Variants in BAHCC1 observed in about 807,000 individuals in gnomAD.
BAHCC1 encodes BAH domain and coiled-coil containing 1.
A neutral mutation model predicts 88.2 loss-of-function variants in BAHCC1; 43 were observed. The observed-to-expected ratio is 0.49, with a 90% CI of 0.38 to 0.63. The LOEUF (loss-of-function observed/expected upper bound fraction) is 0.63. Ranked by LOEUF, BAHCC1 falls within the 20% of genes least tolerant of loss-of-function variation. BAHCC1 has a pLI of 0.00. For missense variants in BAHCC1, 3,023 were observed against 1,654.8 expected, an observed-to-expected ratio of 1.83 and a Z score of -14.34; for synonymous variants, 1,510 against 745.5, an observed-to-expected ratio of 2.03 and a Z score of -16.71.
chr17:81,440,485 A>C (rs2064395971), intron 4 of BAHCC1, among the ~76,000 whole-genome samples: 1 of 152,176 alleles, frequency 6.6e-6, no homozygotes, highest in South Asian at 2.1e-4. Context: ...GCCTGAGGAC[A>C]ATTTTACAAG....
At chr17:81,446,744 G>T in intron 10 of BAHCC1, 1 of 581,112 alleles carries the variant, frequency 1.7e-6, no homozygotes, top group East Asian at 3.7e-5. Flanking sequence ...GTAGTGGCAC[G>T]TGCTCACTCT....
At chr17:81,460,780 TGGGGTAGGCAG>T in intron 25 of BAHCC1, 74 bp downstream of exon 25, 1 of 773,828 alleles carries the variant, frequency 1.3e-6, no homozygotes, top group East Asian at 2.4e-5. Flanking sequence ...AGGAGGCCCG[TGGGGTAGGCAG>T]GGTCCGGGGA....
chr17:81,462,433 C>A (rs75956117), intron 26 of BAHCC1: 2 of 502,492 alleles, frequency 4.0e-6, no homozygotes, highest in South Asian at 2.9e-5. Flanking sequence ...TGGGGCCACT[C>A]GTGGGTCTTT....
At chr17:81,410,836 C>T (rs544482319) in intron 2 of BAHCC1, among the ~76,000 whole-genome samples, 12 of 151,130 alleles carry the variant, frequency 7.9e-5, no homozygotes, top group African/African-American at 2.4e-4. Flanking sequence ...AGTCTCGGGG[C>T]GGGGGTGGGG....
chr17:81,448,315 T>A (rs1217127781), intron 11 of BAHCC1, among the ~76,000 whole-genome samples: 1 of 152,080 alleles, frequency 6.6e-6, no homozygotes, highest in Non-Finnish European at 1.5e-5. Flanking sequence ...AGGCTGGGGC[T>A]CCTGCTGCAG....
chr17:81,418,774 T>A (rs1053615297), intron 2 of BAHCC1, among the ~76,000 whole-genome samples: 1 of 84,642 alleles, frequency 1.2e-5, no homozygotes, highest in Non-Finnish European at 2.6e-5. Context: ...TACGTGTGTG[T>A]ACGTGTGTGT....
At chr17:81,405,523 A>G (rs1364892395) in intron 2 of BAHCC1, among the ~76,000 whole-genome samples, 1 of 152,062 alleles carries the variant, frequency 6.6e-6, no homozygotes, top group Non-Finnish European at 1.5e-5. Flanking sequence ...CAATCCTGGC[A>G]GGGCCTTCTA....
chr17:81,413,563 G>T (rs1555648182), intron 2 of BAHCC1, among the ~76,000 whole-genome samples: 2 of 152,246 alleles, frequency 1.3e-5, no homozygotes, highest in African/African-American at 4.8e-5. Context: ...CCACGCAGGT[G>T]CAGTATCGTC....
Position 81,399,148 on chromosome 17 carries a change from TGTGTGCGA to T in BAHCC1, c.-206-378_-206-371del. On this transcript the variant is annotated intron_variant, in intron 1 of 27. Coordinates refer to ENST00000675386, the MANE Select transcript of BAHCC1 (RefSeq NM_001377448.1). This position sits in a 1 kb window ranked among gnomAD's most constrained non-coding sequence, Gnocchi z 4.5. ...GTGTGAGTGTGTGTGTGTGTGTGTGTGTGTGCGAGTGTGCGTGATGGCTTCGCAGATTT... is the reference window on the plus strand; with the variant it reads ...GTGTGAGTGTGTGTGTGTGTGTGTGTGTGTGCGTGATGGCTTCGCAGATTT... 2.7e-6 allele frequency: 1 copy of T among 374,028 alleles called. No homozygotes were observed. Among genetic ancestry groups the T allele is most frequent in the Non-Finnish European group, 5.4e-6 (1 of 185,604 alleles). The allele number at this position is 374,028 out of a possible 1,614,324, so 23.2% of individuals were successfully genotyped here.
rs1555657279 is a variant in BAHCC1 at position 81,456,391 on chromosome 17, A to G, written c.4664A>G (p.Lys1555Arg). Residue 1555 changes from lysine to arginine, a missense_variant, in exon 16 of 28, where the codon AAA becomes AGA. By Grantham distance (26) the Lys-to-Arg change is conservative (BLOSUM62 2). Coordinates refer to ENST00000675386, the MANE Select transcript of BAHCC1 (RefSeq NM_001377448.1). ...CAGCTGAAACCCAAGGTCAAGAGCA[A>G]AGGGCTGCCCACAGGCCTCAGCTCT... ...VAQLKPKVKS[K>R]GLPTGLSSFQ... The G allele has an allele frequency of 1.4e-6, 1 of 723,456 alleles. No individual in the cohort carries two copies. Among genetic ancestry groups the G allele is most frequent in the Admixed American group, 2.0e-5 (1 of 50,848 alleles). The allele number at this position is 723,456 out of a possible 1,614,324, so 44.8% of individuals were successfully genotyped here. A position where few individuals can be genotyped will look rare whatever the true frequency, so the allele number is the denominator to read the frequency against.
At chr17:81,403,953 C>T (rs561721630) in intron 2 of BAHCC1, among the ~76,000 whole-genome samples, 1 of 152,362 alleles carries the variant, frequency 6.6e-6, no homozygotes, top group South Asian at 2.1e-4. Context: ...GCCGCGCTTT[C>T]TGTAGGAATA....
rs782220293 is a variant in BAHCC1 at position 81,464,307 on chromosome 17, C to T, written c.*490C>T. 2.7e-5 allele frequency: 5 copies of T among 185,158 alleles called. No individual in the cohort carries two copies. The highest frequency in any genetic ancestry group is 9.4e-5 in the African/African-American group (4 of 42,520). 11.5% of individuals were successfully genotyped at this position (185,158 alleles called of 1,614,324 possible). On this transcript the variant is annotated 3_prime_UTR_variant, in exon 28 of 28. Transcript: ENST00000675386. Reference sequence around the variant, plus strand: ...GTGTGTGAGCGTGTATGTGTGTGCGCGTGTGTGGCGATTTTTGTCCTGGGG... The same window carrying T: ...GTGTGTGAGCGTGTATGTGTGTGCGTGTGTGTGGCGATTTTTGTCCTGGGG...
intron 23 of BAHCC1, among the ~76,000 whole-genome samples, chr17:81,459,815 CAG>C (rs1555658615): frequency 6.6e-6 from 1 of 151,846 alleles, no homozygotes; most frequent in Non-Finnish European, 1.5e-5. Context: ...TCCAGCCAAG[CAG>C]AGAGGGCCCA....
At chr17:81,463,051 T>G in intron 27 of BAHCC1, 75 bp downstream of exon 27, 1 of 711,678 alleles carries the variant, frequency 1.4e-6, no homozygotes, top group Middle Eastern at 3.6e-4. Flanking sequence ...GCCAGCACTG[T>G]GCCCCAACAC....
intron 2 of BAHCC1, among the ~76,000 whole-genome samples, chr17:81,425,651 TGGTGATGTGGTTGGTGGTGATGGTG>T (rs1425639889): frequency 2.5e-5 from 2 of 81,474 alleles, no homozygotes; most frequent in African/African-American, 1.1e-4. Context: ...ATGTGGTTGG[TGGTGATGTGGTTGGTGGTGATGGTG>T]GGTGATGTGG....
At chr17:81,426,462 T>G in intron 2 of BAHCC1, among the ~76,000 whole-genome samples, 1 of 124,746 alleles carries the variant, frequency 8.0e-6, no homozygotes, top group Non-Finnish European at 1.7e-5. Flanking sequence ...GTGGGTGATG[T>G]GGTTGGGGGT....
intron 2 of BAHCC1, among the ~76,000 whole-genome samples, chr17:81,417,062 C>T (rs537445936): frequency 1.7e-4 from 26 of 152,222 alleles, no homozygotes; most frequent in African/African-American, 5.1e-4. Context: ...GTTGAGAGGC[C>T]GGAGTGTAGG....
rs782328667 is a variant in BAHCC1, at chr17:81,461,230, C to T, written c.6567C>T (p.Ala2189=). 1.4e-5 allele frequency: 10 copies of T among 715,554 alleles called. No individual in the cohort carries two copies. The highest frequency in any genetic ancestry group is 5.9e-5 in the South Asian group (4 of 67,660). The allele number at this position is 715,554 out of a possible 1,614,324, so 44.3% of individuals were successfully genotyped here. Residue 2189 remains alanine (A), a synonymous_variant, in exon 26 of 28, where the codon GCC becomes GCT. Coordinates refer to ENST00000675386, the MANE Select transcript of BAHCC1 (RefSeq NM_001377448.1). ...GAHKLLRAKK[A]ERVEAEKGGR... ...ACAAGCTGCTGCGGGCTAAGAAGGC[C>T]GAGAGGGTGGAGGCCGAGAAGGGTG...
chr17:81,438,512 G>A lies in BAHCC1; in HGVS notation c.481+20G>A, dbSNP rs868913884. The A allele has an allele frequency of 4.0e-6, 3 of 758,328 alleles. No homozygotes were observed. The highest frequency in any genetic ancestry group is 2.3e-4 in the Middle Eastern group (1 of 4,412). 47.0% of individuals were successfully genotyped at this position (758,328 alleles called of 1,614,324 possible). A position where few individuals can be genotyped will look rare whatever the true frequency, so the allele number is the denominator to read the frequency against. On this transcript the variant is annotated intron_variant, in intron 4 of 27. Coordinates refer to ENST00000675386, the MANE Select transcript of BAHCC1 (RefSeq NM_001377448.1). ...AAAAAGGCAAGTGCAGCATGGGACC[G>A]GCGTGGGGAGCAGGCATGCTGGAGG...
Sources: allele counts gnomAD v4.1 joint callset (sites outside exome capture counted in the v4.1 genomes callset), GRCh38; gene constraint gnomAD v4.1.1; non-coding constraint Gnocchi (gnomAD v3.1); transcripts MANE v1.5; gene names NCBI Gene and HGNC (gene_info 2026-07-23, HGNC 2026-07-21).